The following CPLANE1 variants were observed in gnomAD, a reference collection of about 807,000 sequenced individuals.
The protein encoded by CPLANE1 is ciliogenesis and planar polarity effector complex subunit 1.
Under a neutral mutation model 362.5 loss-of-function variants are expected in CPLANE1, and 263 were observed. The observed-to-expected ratio is 0.73, with a 90% CI of 0.66 to 0.80. The LOEUF is 0.80. Ranked by LOEUF, CPLANE1 falls within the 30% of genes least tolerant of loss-of-function variation. The pLI, the probability that CPLANE1 is intolerant of heterozygous loss-of-function variation, is 0.00. For missense variants in CPLANE1, 3,461 were observed against 3,793.4 expected (o/e 0.91, Z 2.30); for synonymous variants, 1,212 against 1,302.6 (o/e 0.93, Z 1.50).
intron 9 of CPLANE1, 23 bp downstream of exon 9, chr5:37,230,844 T>C (rs766316201): frequency 1.4e-6 from 2 of 1,382,606 alleles, no homozygotes; most frequent in Non-Finnish European, 1.9e-6. Flanking sequence ...TATAAACAAA[T>C]TAACACAATT....
rs1580891168 is a variant in CPLANE1, at chr5:37,226,305, T to G, written c.2290A>C (p.Arg764=). 2.0e-6 allele frequency: 3 copies of G among 1,497,136 alleles called. No individual in the cohort carries two copies. Among genetic ancestry groups the G allele is most frequent in the Non-Finnish European group, 2.7e-6 (3 of 1,126,676 alleles). 92.7% of individuals were successfully genotyped at this position (1,497,136 alleles called of 1,614,324 possible). The change falls in exon 12 of 53, where the codon AGA becomes CGA. Residue 764 remains arginine (R), a splice_region_variant and synonymous_variant. Coordinates refer to ENST00000651892, the MANE Select transcript of CPLANE1 (RefSeq NM_001384732.1). ...VVNPVQQPGH[R]LLILWRILYK... is the part of the protein sequence containing the mutation. Reference sequence around the variant, plus strand: ...CAGTATTAAAATAAGTGATTATACCTGTGTCCTGGCTGTTGCACAGGATTT... The same window carrying G: ...CAGTATTAAAATAAGTGATTATACCGGTGTCCTGGCTGTTGCACAGGATTT...
At chr5:37,139,178 A>C (rs1350580671) in intron 45 of CPLANE1, among the ~76,000 whole-genome samples, 162 bp downstream of exon 45, 1 of 152,178 alleles carries the variant, frequency 6.6e-6, no homozygotes, top group African/African-American at 2.4e-5. Flanking sequence ...GAGATATAAC[A>C]ATCCTCAATT....
chr5:37,158,342 T>C lies in CPLANE1; in HGVS notation c.7694A>G (p.His2565Arg). 1.9e-6 allele frequency: 3 copies of C among 1,610,506 alleles called. No individual in the cohort carries two copies. Among genetic ancestry groups the C allele is most frequent in the Non-Finnish European group, 2.5e-6 (3 of 1,178,600 alleles). Reference sequence around the variant, plus strand: ...GAGCTGAGGAGCAGTCAAAGGCTCATGTTCTGAAAATTAAAAAAGAAATAA... The same window carrying C: ...GAGCTGAGGAGCAGTCAAAGGCTCACGTTCTGAAAATTAAAAAAGAAATAA... Reference protein sequence around the residue: ...QDASTNTDPEHEPLTAPQLLV... With the variant: ...QDASTNTDPEREPLTAPQLLV... The change falls in exon 39 of 53, where the codon CAT (histidine) becomes CGT (arginine). Residue 2565 changes from histidine to arginine, a missense_variant. Physicochemically the swap from His to Arg is conservative, Grantham distance 29. Transcript: ENST00000651892.
chr5:37,185,008 G>A lies in CPLANE1; in HGVS notation c.4261C>T (p.Arg1421Cys), dbSNP rs778919269. ...IQKVRVKALKRVQRNIGSFEV... is the reference protein window; with the variant it reads ...IQKVRVKALKCVQRNIGSFEV... ...AAAGAGCCTATATTTCTCTGCACAC[G>A]TTTTAGAGCTTTCACCCTCACTTTC... Residue 1421 changes from arginine to cysteine, a missense_variant, in exon 25 of 53, where the codon CGT becomes TGT. Around this residue, in one of 2 missense-constraint regions of CPLANE1, gnomAD observed 3,380 missense variants for 3,666.1 expected, o/e 0.92. Coordinates refer to ENST00000651892, the MANE Select transcript of CPLANE1 (RefSeq NM_001384732.1). 1.4e-5 allele frequency: 23 copies of A among 1,613,844 alleles called. No individual in the cohort carries two copies. Among genetic ancestry groups the A allele is most frequent in the South Asian group, 1.2e-4 (11 of 91,084 alleles).
chr5:37,170,087 T>C lies in CPLANE1; in HGVS notation c.6416A>G (p.His2139Arg), dbSNP rs1017787313. 12 of 1,614,070 alleles carry C rather than the reference T, an allele frequency of 7.4e-6. No homozygotes were observed. The highest frequency in any genetic ancestry group is 1.0e-5 in the Non-Finnish European group (12 of 1,180,050). The stretch of plus-strand genomic sequence containing the variant: ...TTGACCAGATGGGATAGTTCCTTCA[T>C]GGCAGTGTGGGCTGTTCTTGCGAGG... ...REPRKNSPHC[H>R]EGTIPSGQNS... Residue 2139 changes from histidine (H) to arginine (R), a missense_variant, in exon 33 of 53, where the codon CAT becomes CGT. By Grantham distance (29) the His-to-Arg change is conservative. This residue lies in a region of CPLANE1 where 3,380 missense variants were observed against 3,666.1 expected (regional missense o/e 0.92). Transcript: ENST00000651892.
rs1370296656 is a variant in CPLANE1, at chr5:37,213,505, T to C, written c.2920+54A>G. 3 of 1,257,250 alleles carry C rather than the reference T, an allele frequency of 2.4e-6. No individual in the cohort carries two copies. The African/African-American group carries it at 4.5e-5, about 19-fold the overall frequency. The allele number at this position is 1,257,250 out of a possible 1,614,324, so 77.9% of individuals were successfully genotyped here. The stretch of plus-strand genomic sequence containing the variant: ...GCCTCTGTATAATATGTTTTAAATA[T>C]TATATTATGTGCAATGCAAAAAAAG... On this transcript the variant is annotated intron_variant, in intron 16 of 52. Coordinates refer to ENST00000651892, the MANE Select transcript of CPLANE1 (RefSeq NM_001384732.1).
intron 20 of CPLANE1, among the ~76,000 whole-genome samples, chr5:37,197,933 T>C (rs1024984949): frequency 1.3e-5 from 2 of 152,176 alleles, no homozygotes; most frequent in South Asian, 2.1e-4. Flanking sequence ...GTTTCCATTG[T>C]GTTTCAAAAA....
intron 52 of CPLANE1, 95 bp downstream of exon 52, chr5:37,108,198 C>T: frequency 7.9e-7 from 1 of 1,261,610 alleles, no homozygotes; most frequent in Non-Finnish European, 1.1e-6. Flanking sequence ...CCACATCCCA[C>T]AAAAAACAAA....
At chr5:37,196,019 C>G in intron 20 of CPLANE1, 23 bp from the exon 21 acceptor site, 1 of 1,576,974 alleles carries the variant, frequency 6.3e-7, no homozygotes, top group Non-Finnish European at 8.6e-7. Flanking sequence ...AATAACCGAA[C>G]ATGTTAATTA....
chr5:37,125,459 A>C (rs1332845860), intron 46 of CPLANE1, 50 bp from the exon 47 acceptor site: 1 of 936,874 alleles, frequency 1.1e-6, no homozygotes, highest in East Asian at 5.1e-5. Flanking sequence ...TTTGTTAAGC[A>C]GATAAGATAT....
In CPLANE1 at chr5:37,169,524, T is replaced by C; in HGVS notation, c.6500A>G (p.Asn2167Ser). ...PHGSIPLCQL[N>S]GQPRKKGPIP... The stretch of plus-strand genomic sequence containing the variant: ...TGGTCCTTTTTTCCGGGGCTGGCCA[T>C]TTAATTGACATAAAGGAATACTCCC... Residue 2167 changes from asparagine to serine, a missense_variant, in exon 34 of 53, where the codon AAT (asparagine) becomes AGT (serine). Physicochemically the swap from Asn to Ser is conservative, Grantham distance 46 (BLOSUM62 1). Coordinates refer to ENST00000651892, the MANE Select transcript of CPLANE1 (RefSeq NM_001384732.1). 6.2e-7 allele frequency: 1 copy of C among 1,613,428 alleles called. No individual in the cohort carries two copies. The highest frequency in any genetic ancestry group is 8.5e-7 in the Non-Finnish European group (1 of 1,179,736).
intron 39 of CPLANE1, 64 bp from the exon 40 acceptor site, chr5:37,157,932 CAA>C (rs1157107088): frequency 0.031 from 2,079 of 66,422 alleles, no homozygotes; most frequent in South Asian, 0.084. Flanking sequence ...GTCACTCCGC[CAA>C]AAAAAAAAAA....
At position 37,108,453 on chromosome 5, in the gene CPLANE1, T is replaced by C. The variant is rs1193137338; in HGVS notation, c.9419A>G (p.His3140Arg). The change falls in exon 52 of 53, where the codon CAT (histidine) becomes CGT (arginine). Residue 3140 changes from histidine (H) to arginine (R), a missense_variant. Transcript: ENST00000651892. ...TFQKGSNAPC[H>R]SLQHTKKHGS... ...ATGTTTTTTTGTATGCTGCAGACTATGACACGGAGCATTAGAGCCTTTTAA... is the reference window on the plus strand; with the variant it reads ...ATGTTTTTTTGTATGCTGCAGACTACGACACGGAGCATTAGAGCCTTTTAA... 5.6e-6 allele frequency: 9 copies of C among 1,613,994 alleles called. No homozygotes were observed. The highest frequency in any genetic ancestry group is 1.1e-5 in the South Asian group (1 of 91,036).
At chr5:37,086,036 G>A in the CPLANE1 span, among the ~76,000 whole-genome samples, 1 of 152,054 alleles carries the variant, frequency 6.6e-6, no homozygotes, top group African/African-American at 2.4e-5. Flanking sequence ...TAACACTGGA[G>A]TTCCCAAATT....
intron 42 of CPLANE1, among the ~76,000 whole-genome samples, chr5:37,150,910 T>C (rs577305189): frequency 6.6e-6 from 1 of 152,316 alleles, no homozygotes; most frequent in East Asian, 1.9e-4. Flanking sequence ...ATGATTCTAA[T>C]GGGCAGCCAT....
intron 35 of CPLANE1, among the ~76,000 whole-genome samples, chr5:37,166,547 A>C (rs1225570942): frequency 6.6e-6 from 1 of 152,234 alleles, no homozygotes. Flanking sequence ...TATAGTTATA[A>C]TTGTTATATT....
the CPLANE1 span, among the ~76,000 whole-genome samples, chr5:37,080,294 T>A: frequency 6.6e-6 from 1 of 152,192 alleles, no homozygotes; most frequent in Non-Finnish European, 1.5e-5. Context: ...TTACCCTGAC[T>A]CTAGCACAGT....
rs1176984188 is a variant in CPLANE1 at position 37,230,674 on chromosome 5, T to A, written c.1121+193A>T. On this transcript the variant is annotated intron_variant, in intron 9 of 52. Transcript: ENST00000651892. ...AACTTATACTTACATAGTCACAATG[T>A]CAAATTTTCACCAGGATTAAGCCAC... Among the ~76,000 whole-genome samples the A allele has an allele frequency of 2.0e-5, 3 of 152,114 alleles. No individual in the cohort carries two copies. In the South Asian group the frequency reaches 6.2e-4, roughly 31 times the overall value.
chr5:37,115,265 G>A (rs776784562), intron 50 of CPLANE1, among the ~76,000 whole-genome samples: 3 of 152,076 alleles, frequency 2.0e-5, no homozygotes, highest in Non-Finnish European at 4.4e-5. Flanking sequence ...TTTGACACCT[G>A]GTATCCTTCA....
Sources: allele counts gnomAD v4.1 joint callset (sites outside exome capture counted in the v4.1 genomes callset), GRCh38; gene constraint gnomAD v4.1.1; regional missense constraint gnomAD v4.1.1; transcripts MANE v1.5; gene names NCBI Gene and HGNC (gene_info 2026-07-23, HGNC 2026-07-21).